Variants in POLQ observed in about 807,000 individuals in gnomAD.
POLQ encodes the protein DNA polymerase theta.
A neutral mutation model predicts 259.2 loss-of-function variants in POLQ; 233 were observed. That is an observed-to-expected ratio of 0.90 (90% CI 0.81 to 1.00). POLQ has a LOEUF of 1.00. Among genes scored for constraint, POLQ ranks in the 50% least tolerant of loss-of-function variants. The pLI is 0.00. For missense variants in POLQ, 2,871 were observed against 3,051.6 expected (o/e 0.94, Z 1.39); for synonymous variants, 1,025 against 1,048.8 (o/e 0.98, Z 0.44).
intron 19 of POLQ, among the ~76,000 whole-genome samples, chr3:121,477,858 G>A (rs2047939672): frequency 3.3e-5 from 5 of 152,222 alleles, no homozygotes; most frequent in Middle Eastern, 3.4e-3. Flanking sequence ...TAACCACCAC[G>A]AAAAGCAAAG....
chr3:121,433,042 T>C lies in POLQ; in HGVS notation c.7544-9A>G, dbSNP rs918249513. On this transcript the variant is annotated splice_polypyrimidine_tract_variant and intron_variant, in intron 28 of 29. Transcript: ENST00000264233. Reference sequence around the variant, plus strand: ...TCTCTTTCGTGACAATCCTACTTCATGAAAAAGGAGCAAAACTGATCAGCA... The same window carrying C: ...TCTCTTTCGTGACAATCCTACTTCACGAAAAAGGAGCAAAACTGATCAGCA... The C allele has an allele frequency of 3.3e-6, 5 of 1,514,440 alleles. No homozygotes were observed. In the African/African-American group the frequency reaches 5.5e-5, roughly 17 times the overall value. The allele number at this position is 1,514,440 out of a possible 1,614,324, so 93.8% of individuals were successfully genotyped here.
At chr3:121,526,818 TC>T (rs1300618663) in intron 7 of POLQ, among the ~76,000 whole-genome samples, 3 of 152,178 alleles carry the variant, frequency 2.0e-5, no homozygotes, top group Non-Finnish European at 4.4e-5. Context: ...TTTTCTCAAA[TC>T]GTAGTAGAGT....
chr3:121,467,776 C>T (rs2047850960), intron 23 of POLQ, 136 bp from the exon 24 acceptor site: 2 of 844,244 alleles, frequency 2.4e-6, no homozygotes, highest in Non-Finnish European at 3.7e-6. Flanking sequence ...TGTGGTAGCT[C>T]ACACCTGTAA....
At chr3:121,438,978 A>G (rs2047566071) in intron 27 of POLQ, among the ~76,000 whole-genome samples, 1 of 152,170 alleles carries the variant, frequency 6.6e-6, no homozygotes. Flanking sequence ...TTCATTATAT[A>G]CAATGTCTAA....
At chr3:121,456,820 G>A (rs368078508) in intron 25 of POLQ, among the ~76,000 whole-genome samples, 3 of 152,110 alleles carry the variant, frequency 2.0e-5, no homozygotes, top group Admixed American at 2.0e-4. Flanking sequence ...AAGGTAATTT[G>A]TAGATTCAAT....
In POLQ at chr3:121,522,118, T is replaced by G. The variant is rs1203668492; in HGVS notation, c.1140A>C (p.Val380=). 6.2e-7 allele frequency: 1 copy of G among 1,608,330 alleles called. No individual in the cohort carries two copies. Among genetic ancestry groups the G allele is most frequent in the Non-Finnish European group, 8.5e-7 (1 of 1,178,196 alleles). The change falls in exon 8 of 30, where the codon GTA becomes GTC. Residue 380 remains valine (V), a synonymous_variant. Transcript: ENST00000264233. ...GLVKPSECPP[V]ILEQKELLEV... is the part of the protein sequence containing the mutation. ...CCAGGAGTTCTTTTTGTTCCAGAAT[T>G]ACTGGTGGGCATTCAGAGGGTTTCA...
At chr3:121,522,365 G>T (rs1343190131) in intron 7 of POLQ, among the ~76,000 whole-genome samples, 1 of 76,034 alleles carries the variant, frequency 1.3e-5, no homozygotes, top group African/African-American at 4.2e-5. Flanking sequence ...ACTGCGGACT[G>T]CAGTGGCGCA....
intron 7 of POLQ, 58 bp downstream of exon 7, chr3:121,529,587 C>T: frequency 6.6e-7 from 1 of 1,504,234 alleles, no homozygotes; most frequent in Non-Finnish European, 9.2e-7. Context: ...TAATCACTAC[C>T]ATTACTTTCA....
intron 27 of POLQ, among the ~76,000 whole-genome samples, chr3:121,436,750 G>A (rs2047547597): frequency 3.3e-5 from 5 of 151,864 alleles, no homozygotes; most frequent in Admixed American, 6.6e-5. Flanking sequence ...CTGCAGGTAT[G>A]GAGCCCTCTG....
intron 23 of POLQ, 22 bp downstream of exon 23, chr3:121,468,283 G>T (rs1576407705): frequency 6.3e-7 from 1 of 1,592,818 alleles, no homozygotes; most frequent in South Asian, 1.1e-5. Context: ...TATTAATACA[G>T]ATACAGAGAA....
intron 12 of POLQ, 52 bp from the exon 13 acceptor site, chr3:121,498,722 C>A (rs1184160287): frequency 8.0e-7 from 1 of 1,242,832 alleles, no homozygotes; most frequent in South Asian, 1.4e-5. Flanking sequence ...TTACAAAAAA[C>A]CATTATATAC....
In POLQ at chr3:121,505,681, T is replaced by A. The variant is rs907399899; in HGVS notation, c.1959+3880A>T. ...AAAAAAACATGAAACTGAAGAACCA[T>A]GTACTAGAATACACTCCAAATGAAG... On this transcript the variant is annotated intron_variant, in intron 12 of 29. Coordinates refer to ENST00000264233, the MANE Select transcript of POLQ (RefSeq NM_199420.4). 5.3e-5 allele frequency among the ~76,000 whole-genome samples: 8 copies of A among 152,016 alleles called. 1 individual carries two copies. The South Asian group carries it at 1.7e-3, about 32-fold the overall frequency.
At chr3:121,482,372 T>G (rs1388445775) in intron 18 of POLQ, among the ~76,000 whole-genome samples, 1 of 151,998 alleles carries the variant, frequency 6.6e-6, no homozygotes, top group Non-Finnish European at 1.5e-5. Flanking sequence ...TACAAAAAAT[T>G]AGCTGGGCAT....
At chr3:121,452,027 G>C (rs146758850) in intron 25 of POLQ, among the ~76,000 whole-genome samples, 1 of 152,076 alleles carries the variant, frequency 6.6e-6, no homozygotes, top group African/African-American at 2.4e-5. Flanking sequence ...CTTGCAGTTC[G>C]ATCTCAGACT....
intron 16 of POLQ, among the ~76,000 whole-genome samples, chr3:121,486,239 T>C (rs1372338503): frequency 2.0e-5 from 3 of 152,206 alleles, no homozygotes; most frequent in East Asian, 3.8e-4. Flanking sequence ...CAAACAAGGA[T>C]ATTACAATTT....
chr3:121,543,697 T>A (rs916785523), intron 2 of POLQ, among the ~76,000 whole-genome samples: 1 of 152,056 alleles, frequency 6.6e-6, no homozygotes, highest in African/African-American at 2.4e-5. Flanking sequence ...TGAAAACCCA[T>A]ATAGGGCCGG....
chr3:121,523,342 G>A (rs976287463), intron 7 of POLQ, among the ~76,000 whole-genome samples: 1 of 152,086 alleles, frequency 6.6e-6, no homozygotes, highest in Admixed American at 6.5e-5. Flanking sequence ...TGCAGTAAAA[G>A]CTTTACATAC....
intron 8 of POLQ, among the ~76,000 whole-genome samples, chr3:121,520,938 A>G (rs764650586): frequency 6.6e-6 from 1 of 152,234 alleles, no homozygotes; most frequent in Non-Finnish European, 1.5e-5. Flanking sequence ...TATAGAATAT[A>G]TACTTAGCTG....
chr3:121,504,985 G>A (rs1306021165), intron 12 of POLQ, among the ~76,000 whole-genome samples: 1 of 152,158 alleles, frequency 6.6e-6, no homozygotes, highest in Non-Finnish European at 1.5e-5. Flanking sequence ...TGTCCCCACC[G>A]AATTTCATGT....
Sources: gnomAD v4.1 joint callset for allele counts (sites outside exome capture counted in the v4.1 genomes callset) on GRCh38, gnomAD v4.1.1 for gene constraint, MANE v1.5 for transcripts, NCBI Gene and HGNC (gene_info 2026-07-23, HGNC 2026-07-21) for gene names.